The following CEP95 variants were observed in gnomAD, a reference collection of about 807,000 sequenced individuals.
CEP95 encodes the protein centrosomal protein of 95 kDa.
Under a neutral mutation model 111.2 loss-of-function variants are expected in CEP95, and 98 were observed. The observed-to-expected ratio is 0.88, with a 90% CI of 0.75 to 1.04. The LOEUF (loss-of-function observed/expected upper bound fraction) is 1.04, where lower values mean the gene tolerates loss of function less well. Ranked by LOEUF, CEP95 falls within the 50% of genes least tolerant of loss-of-function variation. The probability of loss-of-function intolerance (pLI) is 0.00; values close to 1 mark genes in which losing one functional copy is unlikely to be tolerated. For synonymous variants in CEP95, 323 were observed against 327.1 expected (o/e 0.99, Z 0.14); for missense variants, 1,027 against 977.2 (o/e 1.05, Z -0.68).
At chr17:64,513,413 T>C (rs1035814566) in intron 3 of CEP95, among the ~76,000 whole-genome samples, 1 of 152,218 alleles carries the variant, frequency 6.6e-6, no homozygotes, top group Admixed American at 6.5e-5. Flanking sequence ...ACATTAAATA[T>C]GTCAAGTTTC....
rs558253767 is a variant in CEP95, at chr17:64,520,109, A to G, written c.589+673A>G. 5.3e-5 allele frequency among the ~76,000 whole-genome samples: 8 copies of G among 152,352 alleles called. No homozygotes were observed. In the South Asian group the frequency reaches 1.7e-3, roughly 32 times the overall value. Reference sequence around the variant, plus strand: ...GGAAGGACCAGAGTCAAGTGTGGATACTACAAAAATGTTTCTTGAAGTAGG... The same window carrying G: ...GGAAGGACCAGAGTCAAGTGTGGATGCTACAAAAATGTTTCTTGAAGTAGG... On this transcript the variant is annotated intron_variant, in intron 6 of 19. Transcript: ENST00000556440.
chr17:64,533,607 A>C (rs1369168099), intron 16 of CEP95, among the ~76,000 whole-genome samples: 1 of 152,170 alleles, frequency 6.6e-6, no homozygotes, highest in East Asian at 1.9e-4. Context: ...ACCCTGTCTC[A>C]ACAACAACAA....
intron 12 of CEP95, among the ~76,000 whole-genome samples, chr17:64,530,176 G>A (rs575585293): frequency 2.6e-4 from 40 of 152,108 alleles, no homozygotes; most frequent in Admixed American, 7.8e-4. Context: ...ACCTGAGGTC[G>A]GGAGTTCGAG....
At chr17:64,511,445 C>T (rs1029091712) in intron 3 of CEP95, among the ~76,000 whole-genome samples, 3 of 152,166 alleles carry the variant, frequency 2.0e-5, no homozygotes, top group Non-Finnish European at 2.9e-5. Context: ...AAGAATTCAG[C>T]GATATTTCTC....
intron 3 of CEP95, among the ~76,000 whole-genome samples, chr17:64,510,970 G>C (rs2038862294): frequency 6.6e-6 from 1 of 152,174 alleles, no homozygotes; most frequent in South Asian, 2.1e-4. Context: ...GGGCGTCTGG[G>C]GGAGACATCA....
intron 16 of CEP95, chr17:64,534,378 C>A: frequency 1.9e-6 from 1 of 518,198 alleles, no homozygotes; most frequent in Non-Finnish European, 3.5e-6. Context: ...CACTGCTGCC[C>A]TCTGCTGCAG....
chr17:64,519,453 G>C lies in CEP95; in HGVS notation c.589+17G>C. On this transcript the variant is annotated intron_variant, in intron 6 of 19. Coordinates refer to ENST00000556440, the MANE Select transcript of CEP95 (RefSeq NM_138363.3). Reference sequence around the variant, plus strand: ...GAAGTAATGGTGAGTAGTTAAACCTGAAGTATCAGTTATTATTCAACATAC... The same window carrying C: ...GAAGTAATGGTGAGTAGTTAAACCTCAAGTATCAGTTATTATTCAACATAC... 6.5e-7 allele frequency: 1 copy of C among 1,535,196 alleles called. No homozygotes were observed. The highest frequency in any genetic ancestry group is 2.2e-5 in the East Asian group (1 of 44,502).
intron 13 of CEP95, 49 bp from the exon 14 acceptor site, chr17:64,531,837 TGAAA>T: frequency 7.6e-7 from 1 of 1,314,888 alleles, no homozygotes; most frequent in Admixed American, 3.2e-5. Flanking sequence ...AGATGATGTA[TGAAA>T]GAACTGTTAG....
chr17:64,535,225 T>C (rs1180728389), intron 17 of CEP95: 1 of 173,014 alleles, frequency 5.8e-6, no homozygotes, highest in Non-Finnish European at 1.2e-5. Flanking sequence ...TTAGTAATTA[T>C]AGTTTACTAA....
chr17:64,515,285 G>T (rs1555676098), intron 4 of CEP95, among the ~76,000 whole-genome samples: 1 of 152,080 alleles, frequency 6.6e-6, no homozygotes, highest in East Asian at 1.9e-4. Context: ...GCATAAAGGG[G>T]GAATTAGAAC....
chr17:64,536,865 C>T, intron 18 of CEP95, 117 bp downstream of exon 18: 3 of 1,276,974 alleles, frequency 2.3e-6, no homozygotes, highest in East Asian at 2.3e-5. Context: ...TTGCACTCTA[C>T]AGATTAGAGG....
chr17:64,525,883 G>A lies in CEP95; in HGVS notation c.1022+1G>A. 6.4e-7 allele frequency: 1 copy of A among 1,558,338 alleles called. No homozygotes were observed. The highest frequency in any genetic ancestry group is 2.1e-5 in the Admixed American group (1 of 46,708). On this transcript the variant is annotated splice_donor_variant, in intron 9 of 19. Coordinates refer to ENST00000556440, the MANE Select transcript of CEP95 (RefSeq NM_138363.3). LOFTEE classifies it high-confidence loss of function. ...CAAGGAAGCCTCCCAAAGGAAAAAG[G>A]TAACATTACTGCAGACTTCAGTGTT... is the stretch of plus-strand genomic sequence containing the variant.
At chr17:64,508,047 A>G (rs2038666619) in intron 1 of CEP95, 1 of 985,210 alleles carries the variant, frequency 1.0e-6, no homozygotes, top group Admixed American at 6.1e-5. Context: ...AAAACTAACA[A>G]ATGCATTACC....
Position 64,533,211 on chromosome 17 carries a change from G to A in CEP95, c.1917+20G>A, listed in dbSNP as rs376544559. On this transcript the variant is annotated intron_variant, in intron 16 of 19. Coordinates refer to ENST00000556440, the MANE Select transcript of CEP95 (RefSeq NM_138363.3). ...AGACTGGTATGTCAAGAGCAAGTTG[G>A]GTATTATAATTCTGAATTTGTTATA... is the stretch of plus-strand genomic sequence containing the variant. The A allele has an allele frequency of 2.0e-4, 314 of 1,562,290 alleles. 3 individuals are homozygous for A. In the Middle Eastern group the frequency reaches 3.1e-3, roughly 15 times the overall value.
rs1415163302 is a variant in CEP95, at chr17:64,508,289, C to G, written c.20-303C>G. ...TGTAAATATGTTTTAACTAAAAACACCCATGTAAGGCTTATATAAGTAACT... is the reference window on the plus strand; with the variant it reads ...TGTAAATATGTTTTAACTAAAAACAGCCATGTAAGGCTTATATAAGTAACT... On this transcript the variant is annotated intron_variant, in intron 1 of 19. Coordinates refer to ENST00000556440, the MANE Select transcript of CEP95 (RefSeq NM_138363.3). 6.1e-6 allele frequency: 6 copies of G among 987,636 alleles called. No individual in the cohort carries two copies. The African/African-American group carries it at 1.0e-4, about 17-fold the overall frequency. The allele number at this position is 987,636 out of a possible 1,614,324, so 61.2% of individuals were successfully genotyped here. A position where few individuals can be genotyped will look rare whatever the true frequency, so the allele number is the denominator to read the frequency against.
Position 64,537,681 on chromosome 17 carries a change from A to AATG in CEP95, c.2378_2380dup (p.Asp793dup), listed in dbSNP as rs781795691. 3 of 1,613,506 alleles carry AATG rather than the reference A, an allele frequency of 1.9e-6. No individual in the cohort carries two copies. Among genetic ancestry groups the AATG allele is most frequent in the East Asian group, 2.2e-5 (1 of 44,854 alleles). The stretch of plus-strand genomic sequence containing the variant: ...GCAGCTGCAGGACATGATAACACAG[A>AATG]ATGATGATGATGTTTTCTTCCGGGA... On this transcript the variant is annotated inframe_insertion, in exon 20 of 20. Coordinates refer to ENST00000556440, the MANE Select transcript of CEP95 (RefSeq NM_138363.3).
At chr17:64,530,310 C>T (rs1172585461) in intron 12 of CEP95, among the ~76,000 whole-genome samples, 2 of 152,056 alleles carry the variant, frequency 1.3e-5, no homozygotes, top group East Asian at 1.9e-4. Flanking sequence ...CACTTGAACT[C>T]GGGAAGTGGA....
Position 64,536,753 on chromosome 17 carries a change from G to A in CEP95, c.2217+5G>A. On this transcript the variant is annotated splice_donor_5th_base_variant and intron_variant, in intron 18 of 19. Coordinates refer to ENST00000556440, the MANE Select transcript of CEP95 (RefSeq NM_138363.3). ...GAGAACTACTATAAGGACCAGGTGG[G>A]CTCCTGGCACTTGCTTACGCTGTTG... The A allele has an allele frequency of 6.3e-7, 1 of 1,591,676 alleles. No homozygotes were observed. The highest frequency in any genetic ancestry group is 8.5e-7 in the Non-Finnish European group (1 of 1,174,098).
chr17:64,517,690 ATT>A (rs782455302), intron 5 of CEP95, among the ~76,000 whole-genome samples: 33 of 124,468 alleles, frequency 2.7e-4, no homozygotes, highest in Admixed American at 3.3e-4. Flanking sequence ...CACCTGGCTA[ATT>A]TTTTTTTTTT....
Sources: gnomAD v4.1 joint callset for allele counts (sites outside exome capture counted in the v4.1 genomes callset) on GRCh38, gnomAD v4.1.1 for gene constraint, MANE v1.5 for transcripts, NCBI Gene and HGNC (gene_info 2026-07-23, HGNC 2026-07-21) for gene names.